DAGLB: variants seen among roughly 807,000 people sequenced by gnomAD.
DAGLB encodes the protein diacylglycerol lipase beta, also known as diacylglycerol lipase-beta.
Under a neutral mutation model 72.1 loss-of-function variants are expected in DAGLB, and 66 were observed. The ratio of observed to expected loss-of-function variants is 0.92; its 90% CI spans 0.75 to 1.12. DAGLB has a LOEUF of 1.12. Ranked by LOEUF, DAGLB falls within the 50% of genes most tolerant of loss-of-function variation. The pLI, the probability that DAGLB is intolerant of heterozygous loss-of-function variation, is 0.00. For synonymous variants in DAGLB, 414 were observed against 359.5 expected (o/e 1.15, Z -1.71); for missense variants, 1,065 against 884.9 (o/e 1.20, Z -2.58).
chr7:6,412,715 G>C (rs966167599), intron 13 of DAGLB, 96 bp downstream of exon 13: 1 of 1,346,254 alleles, frequency 7.4e-7, no homozygotes, highest in Admixed American at 2.0e-5. Flanking sequence ...AGCATAGAGT[G>C]CCCTGCACTG....
Position 6,436,553 on chromosome 7 carries a change from C to G in DAGLB, c.248-20G>C. The stretch of plus-strand genomic sequence containing the variant: ...TCGTTCCTGAAATACAAAAAACGTT[C>G]CGACTGCTCAGTTGCTTCCTCAGAG... On this transcript the variant is annotated intron_variant, in intron 2 of 14. Coordinates refer to ENST00000297056, the MANE Select transcript of DAGLB (RefSeq NM_139179.4). 1.9e-6 allele frequency: 3 copies of G among 1,613,676 alleles called. No individual in the cohort carries two copies. Among genetic ancestry groups the G allele is most frequent in the Non-Finnish European group, 1.7e-6 (2 of 1,179,932 alleles).
intron 2 of DAGLB, among the ~76,000 whole-genome samples, chr7:6,444,104 A>T (rs1784921539): frequency 6.6e-6 from 1 of 152,040 alleles, no homozygotes; most frequent in Non-Finnish European, 1.5e-5. Flanking sequence ...CTGTCTCTAC[A>T]AAAAATAAAA....
At chr7:6,443,226 C>A (rs1305217332) in intron 2 of DAGLB, among the ~76,000 whole-genome samples, 18 of 67,282 alleles carry the variant, frequency 2.7e-4, no homozygotes, top group South Asian at 1.3e-3. Flanking sequence ...CAAAACAAAA[C>A]AAACAAAAAA....
chr7:6,415,371 T>C (rs1360030805), intron 11 of DAGLB, among the ~76,000 whole-genome samples: 1 of 151,968 alleles, frequency 6.6e-6, no homozygotes, highest in Non-Finnish European at 1.5e-5. Flanking sequence ...AAAAGCTCTT[T>C]TTGTTCTTTA....
chr7:6,415,314 G>GT (rs898642212), intron 11 of DAGLB, among the ~76,000 whole-genome samples: 7 of 152,062 alleles, frequency 4.6e-5, no homozygotes, highest in East Asian at 3.9e-4. Context: ...ACATTCTCCT[G>GT]TTTTTTCCTG....
At chr7:6,413,064 G>A (rs757737978) in intron 11 of DAGLB, 30 bp from the exon 12 acceptor site, 2 of 1,606,292 alleles carry the variant, frequency 1.2e-6, no homozygotes, top group Admixed American at 1.7e-5. Context: ...GAGGATGTTA[G>A]CTTTACGATG....
chr7:6,428,350 A>G (rs1055215662), intron 6 of DAGLB, among the ~76,000 whole-genome samples: 15 of 151,464 alleles, frequency 9.9e-5, no homozygotes, highest in Non-Finnish European at 2.1e-4. Flanking sequence ...GAAAGAAAGA[A>G]AAAGAAAAAT....
intron 4 of DAGLB, among the ~76,000 whole-genome samples, chr7:6,434,554 A>G (rs762251410): frequency 6.6e-6 from 1 of 152,132 alleles, no homozygotes; most frequent in Non-Finnish European, 1.5e-5. Context: ...GACATGTCCT[A>G]TTGGGACACA....
At chr7:6,422,758 C>G (rs1784173508) in intron 8 of DAGLB, 1 of 152,348 alleles carries the variant, frequency 6.6e-6, no homozygotes, top group Non-Finnish European at 1.5e-5. Flanking sequence ...GGAATGAAAA[C>G]CTAACCACTG....
In DAGLB at chr7:6,409,869, C is replaced by T. The variant is rs1783658480; in HGVS notation, c.1987G>A (p.Ala663Thr). 2 of 1,614,028 alleles carry T rather than the reference C, an allele frequency of 1.2e-6. No individual in the cohort carries two copies. Among genetic ancestry groups the T allele is most frequent in the East Asian group, 2.2e-5 (1 of 44,876 alleles). Residue 663 changes from alanine (A) to threonine (T), a missense_variant, in exon 15 of 15, where the codon GCA becomes ACA. Ala to Thr is a moderately conservative substitution (Grantham distance 58). Transcript: ENST00000297056. Reference protein sequence around the residue: ...SDRAACVSCPAQGVSSVDVA With the variant: ...SDRAACVSCPTQGVSSVDVA ...ACGTCCACACTGGAGACCCCTTGTG[C>T]TGGACAGGAGACGCAGGCCGCTCTG... is the stretch of plus-strand genomic sequence containing the variant.
chr7:6,419,450 G>A (rs1039356088), intron 9 of DAGLB, among the ~76,000 whole-genome samples: 11 of 152,122 alleles, frequency 7.2e-5, no homozygotes, highest in Non-Finnish European at 1.5e-4. Flanking sequence ...TGCTGCTGGC[G>A]AGCCTCCCCG....
At chr7:6,441,889 G>A (rs932371364) in intron 2 of DAGLB, among the ~76,000 whole-genome samples, 6 of 152,080 alleles carry the variant, frequency 3.9e-5, no homozygotes, top group African/African-American at 1.4e-4. Flanking sequence ...AATGACTCGA[G>A]CGACTGAGTG....
intron 2 of DAGLB, among the ~76,000 whole-genome samples, chr7:6,439,706 A>C (rs527653336): frequency 1.3e-5 from 2 of 152,158 alleles, no homozygotes; most frequent in South Asian, 4.2e-4. Flanking sequence ...CTCCAATCAA[A>C]CCTCCCACAA....
intron 1 of DAGLB, 122 bp downstream of exon 1, chr7:6,447,626 C>T: frequency 1.5e-6 from 2 of 1,340,880 alleles, no homozygotes; most frequent in Non-Finnish European, 2.0e-6. Flanking sequence ...TAAGAGGATG[C>T]GTGGCCAGCG....
At chr7:6,440,068 G>A (rs111601400) in intron 2 of DAGLB, among the ~76,000 whole-genome samples, 2,570 of 44,024 alleles carry the variant, frequency 0.058, 97 homozygotes, top group East Asian at 0.27. Context: ...AAAAAAAAAA[G>A]AAAGAAAAAG....
At chr7:6,420,856 T>C (rs1279499819) in intron 9 of DAGLB, among the ~76,000 whole-genome samples, 1 of 152,184 alleles carries the variant, frequency 6.6e-6, no homozygotes, top group African/African-American at 2.4e-5. Context: ...ACTGTAAGCC[T>C]GGCACCGTGC....
intron 8 of DAGLB, chr7:6,422,232 G>C (rs897165080): frequency 3.0e-6 from 1 of 332,056 alleles, no homozygotes; most frequent in Non-Finnish European, 6.0e-6. Flanking sequence ...CGAGTCAGAG[G>C]ATGGGGCACA....
chr7:6,414,525 T>G (rs986149321), intron 11 of DAGLB, among the ~76,000 whole-genome samples: 2 of 151,954 alleles, frequency 1.3e-5, no homozygotes, highest in African/African-American at 4.8e-5. Context: ...GGTCTCGATC[T>G]CCTGGGCTCA....
At chr7:6,421,901 G>A (rs547395215) in intron 8 of DAGLB, 97 bp from the exon 9 acceptor site, 4 of 1,338,414 alleles carry the variant, frequency 3.0e-6, no homozygotes, top group Non-Finnish European at 4.2e-6. Flanking sequence ...TGTGGAGGAT[G>A]GCGGGGATGG....
Sources: gnomAD v4.1 joint callset for allele counts (sites outside exome capture counted in the v4.1 genomes callset) on GRCh38, gnomAD v4.1.1 for gene constraint, MANE v1.5 for transcripts, NCBI Gene and HGNC (gene_info 2026-07-23, HGNC 2026-07-21) for gene names.